Variants in SNCAIP observed in about 807,000 individuals in gnomAD.
SNCAIP encodes synphilin-1.
SNCAIP carries 43 observed loss-of-function variants against 86.7 expected under a neutral mutation model. That is an observed-to-expected ratio of 0.50 (90% CI 0.39 to 0.64). The LOEUF is 0.64. Ranked by LOEUF, SNCAIP falls within the 30% of genes least tolerant of loss-of-function variation. The pLI is 0.00. For missense variants in SNCAIP, 981 were observed against 1,103.1 expected (o/e 0.89, Z 1.57); for synonymous variants, 417 against 427.2 (o/e 0.98, Z 0.29).
chr5:122,413,736 T>C (rs1561704090), intron 3 of SNCAIP, among the ~76,000 whole-genome samples: 1 of 149,976 alleles, frequency 6.7e-6, no homozygotes, highest in African/African-American at 2.5e-5. Context: ...CTTGCTAAGT[T>C]AAAAAAAAGA....
At chr5:122,390,361 A>G (rs889126417) in intron 1 of SNCAIP, among the ~76,000 whole-genome samples, 2 of 152,116 alleles carry the variant, frequency 1.3e-5, no homozygotes, top group African/African-American at 2.4e-5. Context: ...GTGGGAGGTG[A>G]TGTATCCTAC....
At chr5:122,320,956 G>T (rs1003900201) in intron 1 of SNCAIP, among the ~76,000 whole-genome samples, 6 of 152,050 alleles carry the variant, frequency 3.9e-5, no homozygotes, top group African/African-American at 1.4e-4. Flanking sequence ...TTGATGGGTC[G>T]GTCCCCCTGT....
At chr5:122,341,312 T>C (rs2152722170) in intron 1 of SNCAIP, among the ~76,000 whole-genome samples, 1 of 152,344 alleles carries the variant, frequency 6.6e-6, no homozygotes. Context: ...GGTAAAGCCC[T>C]GTGGTCAGTT....
chr5:122,425,608 G>C lies in SNCAIP; in HGVS notation c.1182+77G>C, dbSNP rs113194178. 473 of 1,214,654 alleles carry C rather than the reference G, an allele frequency of 3.9e-4. 5 individuals are homozygous for C. In the African/African-American group the frequency reaches 6.4e-3, roughly 16 times the overall value. The allele number at this position is 1,214,654 out of a possible 1,614,324, so 75.2% of individuals were successfully genotyped here. ...TTTAAGATTCCTTGTGAGCTAAAGTGTTGGAAGGGAGAGAAGAGAGTGATT... is the reference window on the plus strand; with the variant it reads ...TTTAAGATTCCTTGTGAGCTAAAGTCTTGGAAGGGAGAGAAGAGAGTGATT... On this transcript the variant is annotated intron_variant, in intron 5 of 10. Transcript: ENST00000261368.
intron 6 of SNCAIP, among the ~76,000 whole-genome samples, chr5:122,440,154 G>A (rs369165955): frequency 2.6e-5 from 4 of 152,280 alleles, no homozygotes; most frequent in Admixed American, 1.3e-4. Flanking sequence ...ATAAAGGCAT[G>A]GTTGAAGAAT....
Position 122,450,799 on chromosome 5 carries a change from A to AT in SNCAIP, c.1954dup (p.Ser652PhefsTer2). ...CAGGATGCTCAGGCTTCCTCTAGAAATTCTAAAAAGATCCCACTGGAGAAG... is the reference window on the plus strand; with the variant it reads ...CAGGATGCTCAGGCTTCCTCTAGAAATTTCTAAAAAGATCCCACTGGAGAAG... On this transcript the variant is annotated frameshift_variant, in exon 10 of 11. Transcript: ENST00000261368. LOFTEE classifies it high-confidence loss of function. 6.2e-7 allele frequency: 1 copy of AT among 1,614,178 alleles called. No homozygotes were observed. Among genetic ancestry groups the AT allele is most frequent in the Non-Finnish European group, 8.5e-7 (1 of 1,180,022 alleles).
At chr5:122,319,965 G>A (rs1053972857) in intron 1 of SNCAIP, among the ~76,000 whole-genome samples, 3 of 152,318 alleles carry the variant, frequency 2.0e-5, no homozygotes, top group African/African-American at 4.8e-5. Flanking sequence ...TGCTGCTTCC[G>A]CACTCATTCA....
chr5:122,414,203 C>T (rs1774777894), intron 3 of SNCAIP, among the ~76,000 whole-genome samples: 1 of 152,042 alleles, frequency 6.6e-6, no homozygotes, highest in South Asian at 2.1e-4. Flanking sequence ...GCCAGTGCGC[C>T]CAGCCAAGAA....
At chr5:122,320,746 A>G (rs1752748624) in intron 1 of SNCAIP, among the ~76,000 whole-genome samples, 1 of 152,166 alleles carries the variant, frequency 6.6e-6, no homozygotes, top group African/African-American at 2.4e-5. Context: ...TGACCAAATG[A>G]CTTAACCACA....
In SNCAIP at chr5:122,449,858, C is replaced by A; in HGVS notation, c.1606C>A (p.Arg536Ser). ...TGTTTTCCCCAGACAAACAGTAGAA[C>A]GTGTCACGCTGCAGAACCAACTCCA... The part of the protein sequence containing the change: ...TKQLKEQTVE[R>S]VTLQNQLQQF... The change falls in exon 9 of 11, where the codon CGT (arginine) becomes AGT (serine). Residue 536 changes from arginine to serine, a missense_variant. By Grantham distance (110) the Arg-to-Ser change is moderately radical (BLOSUM62 -1). Coordinates refer to ENST00000261368, the MANE Select transcript of SNCAIP (RefSeq NM_005460.4). The A allele has an allele frequency of 6.2e-7, 1 of 1,613,420 alleles. No individual in the cohort carries two copies. Among genetic ancestry groups the A allele is most frequent in the South Asian group, 1.1e-5 (1 of 91,078 alleles).
chr5:122,398,351 G>C (rs1454066041), intron 2 of SNCAIP, among the ~76,000 whole-genome samples: 1 of 152,154 alleles, frequency 6.6e-6, no homozygotes, highest in Non-Finnish European at 1.5e-5. Context: ...CAGACTGTTA[G>C]TGCCATGTCC....
intron 1 of SNCAIP, among the ~76,000 whole-genome samples, chr5:122,318,485 A>G (rs2152658727): frequency 6.6e-6 from 1 of 152,306 alleles, no homozygotes; most frequent in African/African-American, 2.4e-5. Context: ...TGCTCAGTAC[A>G]GTGCCTTGCC....
At chr5:122,316,431 C>T (rs1751741854) in intron 1 of SNCAIP, among the ~76,000 whole-genome samples, 1 of 152,208 alleles carries the variant, frequency 6.6e-6, no homozygotes, top group Non-Finnish European at 1.5e-5. Flanking sequence ...TTAAAGGACA[C>T]TGGAGCACTG....
intron 1 of SNCAIP, among the ~76,000 whole-genome samples, chr5:122,316,877 T>A (rs1438867549): frequency 1.3e-5 from 2 of 152,206 alleles, no homozygotes; most frequent in African/African-American, 4.8e-5. Flanking sequence ...CCTCTCCAGC[T>A]TCACACAATT....
intron 4 of SNCAIP, among the ~76,000 whole-genome samples, chr5:122,424,297 G>T (rs968467888): frequency 3.3e-5 from 5 of 152,206 alleles, no homozygotes; most frequent in African/African-American, 1.2e-4. Flanking sequence ...GCATGAAGAA[G>T]CTTTTCCAAA....
chr5:122,319,716 G>A (rs1354647956), intron 1 of SNCAIP, among the ~76,000 whole-genome samples: 1 of 152,234 alleles, frequency 6.6e-6, no homozygotes, highest in African/African-American at 2.4e-5. Flanking sequence ...AGCTGATGCA[G>A]AAGGAAGATA....
chr5:122,413,610 G>A (rs894165138), intron 3 of SNCAIP, among the ~76,000 whole-genome samples: 5 of 152,034 alleles, frequency 3.3e-5, no homozygotes, highest in Non-Finnish European at 7.4e-5. Context: ...AGTGACATGT[G>A]CATAGAGACG....
At chr5:122,373,585 C>T (rs928685501) in intron 1 of SNCAIP, among the ~76,000 whole-genome samples, 8 of 152,168 alleles carry the variant, frequency 5.3e-5, no homozygotes, top group Middle Eastern at 3.2e-3. Context: ...GTGGGAAACA[C>T]GTTTGTTTTA....
At chr5:122,334,670 C>G (rs1434248521) in intron 1 of SNCAIP, among the ~76,000 whole-genome samples, 1 of 152,164 alleles carries the variant, frequency 6.6e-6, no homozygotes, top group Non-Finnish European at 1.5e-5. Context: ...AGACTGGGAA[C>G]TGTGGATTTA....
Sources: gnomAD v4.1 joint callset for allele counts (sites outside exome capture counted in the v4.1 genomes callset) on GRCh38, gnomAD v4.1.1 for gene constraint, MANE v1.5 for transcripts, NCBI Gene and HGNC (gene_info 2026-07-23, HGNC 2026-07-21) for gene names.